Variants in LHX4 observed in about 807,000 individuals in gnomAD.
LHX4 encodes LIM homeobox 4, also known as LIM/homeobox protein Lhx4.
Under a neutral mutation model 39.2 loss-of-function variants are expected in LHX4, and 16 were observed. The ratio of observed to expected loss-of-function variants is 0.41; its 90% confidence interval spans 0.28 to 0.62. The LOEUF is 0.62. LHX4 is among the 20% of genes least tolerant of loss of function. LHX4 has a pLI of 0.33. For synonymous variants in LHX4, 206 were observed against 198.1 expected (o/e 1.04, Z -0.33); for missense variants, 439 against 511.9 (o/e 0.86, Z 1.37).
intron 1 of LHX4, among the ~76,000 whole-genome samples, chr1:180,246,347 C>T (rs754828077): frequency 2.6e-5 from 4 of 152,224 alleles, no homozygotes; most frequent in African/African-American, 9.6e-5. Flanking sequence ...TTTCTTAGTA[C>T]ATTGAGGGTA....
chr1:180,260,160 G>C (rs1420670716), intron 2 of LHX4, among the ~76,000 whole-genome samples: 3 of 151,694 alleles, frequency 2.0e-5, no homozygotes, highest in Non-Finnish European at 4.4e-5. Flanking sequence ...GAGGGCTGGA[G>C]GTGAGGGTCG....
intron 2 of LHX4, among the ~76,000 whole-genome samples, chr1:180,255,922 G>C (rs2149259353): frequency 6.6e-6 from 1 of 152,354 alleles, no homozygotes; most frequent in Middle Eastern, 3.4e-3. Context: ...TGGAAACGGG[G>C]TCCCCAGTGG....
chr1:180,248,592 G>C, intron 2 of LHX4, 136 bp downstream of exon 2: 1 of 907,858 alleles, frequency 1.1e-6, no homozygotes, highest in Non-Finnish European at 1.7e-6. Context: ...TCCTGGAGCT[G>C]AGAGGATGCC....
upstream of LHX4, among the ~76,000 whole-genome samples, chr1:180,229,770 G>C (rs1391069826): frequency 6.6e-6 from 1 of 151,190 alleles, no homozygotes; most frequent in Non-Finnish European, 1.5e-5. Flanking sequence ...GCCCCGGCTC[G>C]GCTCCGCCCC....
At position 180,277,926 on chromosome 1, in the gene LHX4, T is replaced by C. The variant is rs1267980027; in HGVS notation, c.*3347T>C. Reference sequence around the variant, plus strand: ...AAACCTAGTAAGATAATTGGGCCATTAGATCTTCATCATTAAACTCACTTT... The same window carrying C: ...AAACCTAGTAAGATAATTGGGCCATCAGATCTTCATCATTAAACTCACTTT... On this transcript the variant is annotated 3_prime_UTR_variant, in exon 6 of 6. Coordinates refer to ENST00000263726, the MANE Select transcript of LHX4 (RefSeq NM_033343.4). 1.3e-5 allele frequency: 2 copies of C among 152,234 alleles called. No individual in the cohort carries two copies. Among genetic ancestry groups the C allele is most frequent in the East Asian group, 3.9e-4 (2 of 5,188 alleles). The allele number at this position is 152,234 out of a possible 1,614,324, so 9.4% of individuals were successfully genotyped here. A position where few individuals can be genotyped will look rare whatever the true frequency, so the allele number is the denominator to read the frequency against.
At position 180,243,049 on chromosome 1, in the gene LHX4, C is replaced by T. The variant is rs1455735757; in HGVS notation, c.77-5236C>T. 7.9e-5 allele frequency among the ~76,000 whole-genome samples: 12 copies of T among 152,134 alleles called. No homozygotes were observed. In the South Asian group the frequency reaches 1.0e-3, roughly 13 times the overall value. On this transcript the variant is annotated intron_variant, in intron 1 of 5. Transcript: ENST00000263726. ...TGTCATCCAGGCTGGAGTGCAGGGG[C>T]GCTATCTGGGCTCACTGCAATTTCC... is the stretch of plus-strand genomic sequence containing the variant.
intron 2 of LHX4, among the ~76,000 whole-genome samples, chr1:180,253,925 G>A (rs535741813): frequency 6.6e-6 from 1 of 152,312 alleles, no homozygotes; most frequent in Non-Finnish European, 1.5e-5. Context: ...CTGGCAGAAC[G>A]GGGTGGGCTG....
chr1:180,243,084 G>A (rs1000050343), intron 1 of LHX4, among the ~76,000 whole-genome samples: 14 of 152,106 alleles, frequency 9.2e-5, no homozygotes, highest in Admixed American at 2.0e-4. Flanking sequence ...CACCTCCTGG[G>A]TTCAAGTGAT....
chr1:180,253,438 T>C (rs973615479), intron 2 of LHX4, among the ~76,000 whole-genome samples: 1 of 152,198 alleles, frequency 6.6e-6, no homozygotes, highest in Non-Finnish European at 1.5e-5. Context: ...GCAAGTTTCT[T>C]TGCATCTCTG....
chr1:180,253,529 C>T (rs748647769), intron 2 of LHX4, among the ~76,000 whole-genome samples: 3 of 152,258 alleles, frequency 2.0e-5, no homozygotes, highest in African/African-American at 7.2e-5. Context: ...ATTTTCTCAG[C>T]AGTGATTTTC....
upstream of LHX4, among the ~76,000 whole-genome samples, chr1:180,229,960 G>GGAGGCGC (rs1491258041): frequency 2.4e-4 from 10 of 42,072 alleles, 2 homozygotes; most frequent in African/African-American, 1.1e-3. Flanking sequence ...AGGCGGAGGC[G>GGAGGCGC]GGGAGGGGGG....
rs1648926304 is a variant in LHX4, at chr1:180,274,794, A to C, written c.*215A>C. 3 of 571,140 alleles carry C rather than the reference A, an allele frequency of 5.3e-6. No individual in the cohort carries two copies. The allele number at this position is 571,140 out of a possible 1,614,324, so 35.4% of individuals were successfully genotyped here. ...GGAGAGCAGACTCATCTCAGAACAC[A>C]GCACAGGGGGTAATGGCCTAGAGCT... On this transcript the variant is annotated 3_prime_UTR_variant, in exon 6 of 6. Coordinates refer to ENST00000263726, the MANE Select transcript of LHX4 (RefSeq NM_033343.4).
chr1:180,268,802 T>A (rs1406750887), intron 3 of LHX4, among the ~76,000 whole-genome samples: 1 of 152,208 alleles, frequency 6.6e-6, no homozygotes, highest in Non-Finnish European at 1.5e-5. Context: ...GCAGGGCTCC[T>A]CTGTCCTGGG....
chr1:180,264,164 C>T (rs1244876322), intron 2 of LHX4, among the ~76,000 whole-genome samples: 1 of 152,066 alleles, frequency 6.6e-6, no homozygotes, highest in African/African-American at 2.4e-5. Flanking sequence ...CAGGGATTCA[C>T]CATATTGCCC....
Position 180,271,408 on chromosome 1 carries a change from C to A in LHX4, c.480C>A (p.Pro160=). Residue 160 remains proline (P), a synonymous_variant, in exon 4 of 6, where the codon CCC becomes CCA. Transcript: ENST00000263726. ...NDDSEAGAKR[P]RTTITAKQLE... is the part of the protein sequence containing the mutation. ...ACTCAGAGGCTGGAGCTAAGCGGCC[C>A]CGGACCACCATCACAGCCAAGCAGC... is the stretch of plus-strand genomic sequence containing the variant. 6.2e-7 allele frequency: 1 copy of A among 1,614,148 alleles called. No homozygotes were observed. Among genetic ancestry groups the A allele is most frequent in the Non-Finnish European group, 8.5e-7 (1 of 1,180,036 alleles).
chr1:180,250,699 C>T (rs1053844191), intron 2 of LHX4, among the ~76,000 whole-genome samples: 2 of 152,156 alleles, frequency 1.3e-5, no homozygotes, highest in Non-Finnish European at 2.9e-5. Context: ...GCCTTGGACC[C>T]CCCAGTGCTT....
chr1:180,246,645 A>C (rs149175353), intron 1 of LHX4, among the ~76,000 whole-genome samples: 2 of 152,334 alleles, frequency 1.3e-5, no homozygotes, highest in East Asian at 3.9e-4. Context: ...CAGGAGGTGA[A>C]GGTTACACTG....
intron 3 of LHX4, among the ~76,000 whole-genome samples, chr1:180,267,164 AAAG>A (rs923927286): frequency 9.2e-5 from 14 of 152,298 alleles, no homozygotes; most frequent in African/African-American, 3.1e-4. Context: ...GTGAGTGCTA[AAAG>A]AAGAGGCAGG....
intron 2 of LHX4, among the ~76,000 whole-genome samples, chr1:180,257,454 A>G (rs546023024): frequency 1.3e-5 from 2 of 152,310 alleles, no homozygotes; most frequent in Non-Finnish European, 1.5e-5. Flanking sequence ...CCGAGGCTCT[A>G]AGATTCTCTG....
Sources: allele counts gnomAD v4.1 joint callset (sites outside exome capture counted in the v4.1 genomes callset), GRCh38; gene constraint gnomAD v4.1.1; transcripts MANE v1.5; gene names NCBI Gene and HGNC (gene_info 2026-07-23, HGNC 2026-07-21).